Variants in LARP1B observed in about 807,000 individuals in gnomAD.
LARP1B encodes La ribonucleoprotein 1B.
A neutral mutation model predicts 114.2 loss-of-function variants in LARP1B; 76 were observed. The ratio of observed to expected loss-of-function variants is 0.67; its 90% CI spans 0.55 to 0.81. The LOEUF (loss-of-function observed/expected upper bound fraction) is 0.81, where lower values mean the gene tolerates loss of function less well. Among genes scored for constraint, LARP1B ranks in the 30% least tolerant of loss-of-function variants. The pLI, the probability that LARP1B is intolerant of heterozygous loss-of-function variation, is 0.00. For missense variants in LARP1B, 1,014 were observed against 1,075.8 expected (o/e 0.94, Z 0.80); for synonymous variants, 345 against 348.0 (o/e 0.99, Z 0.10).
At chr4:128,184,936 T>C (rs1332459840) in intron 15 of LARP1B, among the ~76,000 whole-genome samples, 2 of 152,334 alleles carry the variant, frequency 1.3e-5, no homozygotes, top group Admixed American at 1.3e-4. Flanking sequence ...TGAATAGTAT[T>C]CCATTGTGTA....
intron 7 of LARP1B, among the ~76,000 whole-genome samples, chr4:128,095,336 A>G (rs1429295863): frequency 6.6e-6 from 1 of 151,932 alleles, no homozygotes; most frequent in African/African-American, 2.4e-5. Flanking sequence ...TAAGAATACA[A>G]AAATTAGCCG....
At chr4:128,122,719 C>G in intron 11 of LARP1B, 1 of 1,282,736 alleles carries the variant, frequency 7.8e-7, no homozygotes. Flanking sequence ...ATGATTATCT[C>G]TCTTGGTCTA....
intron 11 of LARP1B, among the ~76,000 whole-genome samples, chr4:128,145,879 G>A (rs570545639): frequency 6.6e-5 from 10 of 152,192 alleles, no homozygotes; most frequent in East Asian, 3.9e-4. Flanking sequence ...TGGTTGCTCC[G>A]TCATAGCCAG....
At chr4:128,076,785 G>A (rs1219344053) in intron 3 of LARP1B, among the ~76,000 whole-genome samples, 2 of 152,070 alleles carry the variant, frequency 1.3e-5, no homozygotes, top group African/African-American at 4.8e-5. Flanking sequence ...GAGTACAGTG[G>A]CATGATCTCA....
In LARP1B at chr4:128,221,002, C is replaced by A. The variant is rs28729662; in HGVS notation, n.934+562C>A. Among the ~76,000 whole-genome samples, 1,035 of 152,292 alleles carry A rather than the reference C, an allele frequency of 6.8e-3. 12 individuals are homozygous for A. Among genetic ancestry groups the A allele is most frequent in the African/African-American group, 0.024 (995 of 41,554 alleles). On this transcript the variant is annotated intron_variant and non_coding_transcript_variant, in intron 7 of 7. Coordinates refer to the LARP1B transcript ENST00000503725. Reference sequence around the variant, plus strand: ...ACAGCGTGAAATAGAACACAGAACCCCTGACTTTCGAACTCAACTGCAATG... The same window carrying A: ...ACAGCGTGAAATAGAACACAGAACCACTGACTTTCGAACTCAACTGCAATG...
chr4:128,155,932 T>C (rs572871123), intron 11 of LARP1B: 11 of 1,537,658 alleles, frequency 7.2e-6, no homozygotes, highest in African/African-American at 5.5e-5. Context: ...CAAGGAGGGG[T>C]ACACAGGCGG....
At position 128,176,898 on chromosome 4, in the gene LARP1B, C is replaced by T; in HGVS notation, c.1675C>T (p.Pro559Ser). Residue 559 changes from proline to serine, a missense_variant, in exon 13 of 20, where the codon CCC becomes TCC. Pro to Ser is a moderately conservative substitution (Grantham distance 74). Coordinates refer to ENST00000326639, the MANE Select transcript of LARP1B (RefSeq NM_018078.4). Reference sequence around the variant, plus strand: ...AGGTGTTCAAGGAGTGCTTCACATTCCCAAGAAAGGTAACATCTGTGGTGG... The same window carrying T: ...AGGTGTTCAAGGAGTGCTTCACATTTCCAAGAAAGGTAACATCTGTGGTGG... ...QGGVQGVLHIPKKDLTDELAQ... is the reference protein window; with the variant it reads ...QGGVQGVLHISKKDLTDELAQ... 1.2e-6 allele frequency: 2 copies of T among 1,613,808 alleles called. No homozygotes were observed. Among genetic ancestry groups the T allele is most frequent in the East Asian group, 4.5e-5 (2 of 44,852 alleles).
intron 5 of LARP1B, among the ~76,000 whole-genome samples, chr4:128,087,798 G>T (rs985600551): frequency 6.6e-6 from 1 of 152,066 alleles, no homozygotes; most frequent in African/African-American, 2.4e-5. Context: ...AGGATTGCTT[G>T]AGCCTGCGAA....
intron 11 of LARP1B, among the ~76,000 whole-genome samples, chr4:128,126,416 C>A (rs189699130): frequency 1.3e-5 from 2 of 152,252 alleles, no homozygotes; most frequent in East Asian, 3.9e-4. Context: ...AGCCACCATG[C>A]CTGGCCCCTT....
intron 11 of LARP1B, among the ~76,000 whole-genome samples, chr4:128,154,880 T>C (rs1351432960): frequency 6.6e-6 from 1 of 152,044 alleles, no homozygotes; most frequent in Non-Finnish European, 1.5e-5. Context: ...TTCAAGCAGT[T>C]CTCCTACCTC....
intron 14 of LARP1B, among the ~76,000 whole-genome samples, chr4:128,178,844 A>G (rs1228022209): frequency 6.6e-6 from 1 of 152,158 alleles, no homozygotes; most frequent in East Asian, 1.9e-4. Context: ...CTGTAATCCA[A>G]CACTTTGGGA....
At chr4:128,069,495 A>G (rs1209034440) in intron 1 of LARP1B, 8 of 752,242 alleles carry the variant, frequency 1.1e-5, no homozygotes, top group Non-Finnish European at 1.7e-5. Context: ...CGCTTTATCA[A>G]GCCAGATGGG....
chr4:128,146,388 G>T (rs1331519482), intron 11 of LARP1B, among the ~76,000 whole-genome samples: 1 of 152,150 alleles, frequency 6.6e-6, no homozygotes, highest in Admixed American at 6.5e-5. Context: ...CATGTGATGT[G>T]TATATAGGAC....
chr4:128,067,182 G>A (rs1763315317), intron 1 of LARP1B, among the ~76,000 whole-genome samples: 1 of 152,078 alleles, frequency 6.6e-6, no homozygotes, highest in Non-Finnish European at 1.5e-5. Context: ...AAAGTTCACA[G>A]TGGGTACCTC....
At chr4:128,219,258 C>G (rs1222436570) in intron 6 of LARP1B, among the ~76,000 whole-genome samples, 6 of 129,756 alleles carry the variant, frequency 4.6e-5, no homozygotes, top group African/African-American at 1.8e-4. Flanking sequence ...GGATCTAGAA[C>G]TAGAAATACC....
At chr4:128,085,962 T>C (rs910569032) in intron 5 of LARP1B, among the ~76,000 whole-genome samples, 1 of 152,012 alleles carries the variant, frequency 6.6e-6, no homozygotes, top group East Asian at 1.9e-4. Flanking sequence ...CCATGTCTAG[T>C]GGAATTCCTG....
At chr4:128,086,246 C>T (rs1258225551) in intron 5 of LARP1B, among the ~76,000 whole-genome samples, 1 of 152,038 alleles carries the variant, frequency 6.6e-6, no homozygotes, top group Non-Finnish European at 1.5e-5. Flanking sequence ...ACCTCATGAT[C>T]CACCCTCTTT....
At chr4:128,121,733 G>T (rs1418707309) in intron 10 of LARP1B, 93 bp from the exon 11 acceptor site, 1 of 859,788 alleles carries the variant, frequency 1.2e-6, no homozygotes, top group African/African-American at 1.7e-5. Context: ...GAGCATAAAA[G>T]CTTGATATTA....
chr4:128,153,997 G>C (rs1000624188), intron 11 of LARP1B, among the ~76,000 whole-genome samples: 2 of 152,056 alleles, frequency 1.3e-5, no homozygotes, highest in East Asian at 3.9e-4. Context: ...ACTGCCATGC[G>C]TCATCTCTCT....
Sources: allele counts gnomAD v4.1 joint callset (sites outside exome capture counted in the v4.1 genomes callset), GRCh38; gene constraint gnomAD v4.1.1; transcripts MANE v1.5; gene names NCBI Gene and HGNC (gene_info 2026-07-23, HGNC 2026-07-21).